The following GPHN variants were observed in gnomAD, a reference collection of about 807,000 sequenced individuals.
GPHN encodes the protein gephyrin.
Under a neutral mutation model 95.5 loss-of-function variants are expected in GPHN, and 17 were observed. The observed-to-expected ratio is 0.18, with a 90% CI of 0.12 to 0.27. GPHN has a LOEUF of 0.27. Ranked by LOEUF, GPHN falls within the 10% of genes least tolerant of loss-of-function variation. The pLI is 1.00. For synonymous variants in GPHN, 320 were observed against 322.5 expected (o/e 0.99, Z 0.08); for missense variants, 660 against 978.1 (o/e 0.67, Z 4.34).
At chr14:66,996,181 G>A (rs549035972) in intron 9 of GPHN, 793 of 1,533,462 alleles carry the variant, frequency 5.2e-4, no homozygotes, top group Non-Finnish European at 6.4e-4. Context: ...AACCAGGCTC[G>A]GCTTCCCTCG....
At chr14:67,439,188 T>G in the GPHN span, among the ~76,000 whole-genome samples, 2 of 152,222 alleles carry the variant, frequency 1.3e-5, no homozygotes, top group Admixed American at 1.3e-4. Flanking sequence ...GTCTGTGAAA[T>G]GGGGATAATG....
the GPHN span, among the ~76,000 whole-genome samples, chr14:67,663,657 G>C: frequency 6.6e-6 from 1 of 152,192 alleles, no homozygotes; most frequent in Non-Finnish European, 1.5e-5. Context: ...CTGGGCGACA[G>C]AGGGAGACTC....
At chr14:67,668,476 G>A in the GPHN span, among the ~76,000 whole-genome samples, 1 of 152,176 alleles carries the variant, frequency 6.6e-6, no homozygotes, top group African/African-American at 2.4e-5. Context: ...TACAGTTTTT[G>A]TTGTTTTAAT....
the GPHN span, among the ~76,000 whole-genome samples, chr14:67,476,671 G>A: frequency 6.6e-6 from 1 of 152,182 alleles, no homozygotes; most frequent in African/African-American, 2.4e-5. Flanking sequence ...GTGAGACAGA[G>A]CTCAGAGAGG....
the GPHN span, among the ~76,000 whole-genome samples, chr14:67,311,851 A>G: frequency 6.6e-6 from 1 of 152,228 alleles, no homozygotes; most frequent in African/African-American, 2.4e-5. Context: ...AACTTGATTT[A>G]GTTAATTTTA....
At chr14:66,773,825 G>C (rs1428718910) in intron 2 of GPHN, among the ~76,000 whole-genome samples, 1 of 152,028 alleles carries the variant, frequency 6.6e-6, no homozygotes, top group Non-Finnish European at 1.5e-5. Context: ...TCTCACCTTG[G>C]ATTCCAGAAG....
intron 1 of GPHN, among the ~76,000 whole-genome samples, chr14:66,666,459 G>A (rs541324831): frequency 2.2e-4 from 33 of 151,248 alleles, no homozygotes; most frequent in Non-Finnish European, 4.7e-4. Flanking sequence ...TTATCCCTGG[G>A]ATGCAAACTT....
intron 5 of GPHN, among the ~76,000 whole-genome samples, chr14:66,886,277 C>G (rs922719835): frequency 3.3e-5 from 5 of 152,120 alleles, no homozygotes; most frequent in African/African-American, 1.2e-4. Flanking sequence ...ATTAACAGCC[C>G]TCCCTTTTTG....
At chr14:67,059,923 T>A (rs2075757689) in intron 11 of GPHN, among the ~76,000 whole-genome samples, 1 of 152,186 alleles carries the variant, frequency 6.6e-6, no homozygotes, top group South Asian at 2.1e-4. Context: ...AGGAATTAAC[T>A]ATGTGATTTC....
At chr14:67,327,578 G>A in the GPHN span, among the ~76,000 whole-genome samples, 2 of 151,924 alleles carry the variant, frequency 1.3e-5, no homozygotes, top group African/African-American at 4.8e-5. Context: ...CCATGTTGGT[G>A]TGCTGCACCC....
chr14:66,598,838 CAAA>C (rs375173931), intron 1 of GPHN, among the ~76,000 whole-genome samples: 7 of 103,708 alleles, frequency 6.7e-5, no homozygotes, highest in African/African-American at 9.4e-5. Flanking sequence ...GACTCTGTCT[CAAA>C]AAAAAAAAAA....
At chr14:67,697,421 A>G in the GPHN span, among the ~76,000 whole-genome samples, 1 of 152,246 alleles carries the variant, frequency 6.6e-6, no homozygotes, top group Non-Finnish European at 1.5e-5. Flanking sequence ...CAGAGAAAGC[A>G]GGGTGCACTA....
rs369987816 is a variant in GPHN at position 66,981,193 on chromosome 14, G to C, written c.963+15868G>C. Among the ~76,000 whole-genome samples the C allele has an allele frequency of 2.6e-5, 4 of 152,084 alleles. No homozygotes were observed. In the East Asian group the frequency reaches 7.7e-4, roughly 29 times the overall value. On this transcript the variant is annotated intron_variant, in intron 9 of 22. Coordinates refer to ENST00000478722, the MANE Select transcript of GPHN (RefSeq NM_020806.5). ...CCTTTTTTATCCTTTTATTAGTTTAGTTTTATAATTGTATTTCCTTTCCTC... is the reference window on the plus strand; with the variant it reads ...CCTTTTTTATCCTTTTATTAGTTTACTTTTATAATTGTATTTCCTTTCCTC...
intron 11 of GPHN, among the ~76,000 whole-genome samples, chr14:67,085,889 C>G (rs561796900): frequency 6.6e-6 from 1 of 152,204 alleles, no homozygotes; most frequent in Non-Finnish European, 1.5e-5. Flanking sequence ...CCAGCACCTG[C>G]CACCACCATT....
At chr14:66,787,995 C>T (rs1037115790) in intron 3 of GPHN, among the ~76,000 whole-genome samples, 1 of 152,054 alleles carries the variant, frequency 6.6e-6, no homozygotes, top group African/African-American at 2.4e-5. Flanking sequence ...CAAACTTGAG[C>T]TCATCAACAT....
intron 2 of GPHN, among the ~76,000 whole-genome samples, chr14:66,689,146 C>A (rs1595560795): frequency 6.6e-6 from 1 of 152,142 alleles, no homozygotes; most frequent in African/African-American, 2.4e-5. Flanking sequence ...TTTAACTTTT[C>A]CCAAGTCAGT....
the GPHN span, chr14:67,473,458 C>T: frequency 3.1e-6 from 5 of 1,614,020 alleles, no homozygotes; most frequent in African/African-American, 4.0e-5. The surrounding 1 kb of genome is among the most constrained non-coding windows in gnomAD (Gnocchi z 6.5). Flanking sequence ...AGGGCTAGGG[C>T]GCCGCTGGGC....
chr14:67,628,886 A>C, the GPHN span, among the ~76,000 whole-genome samples: 2 of 152,232 alleles, frequency 1.3e-5, no homozygotes, highest in African/African-American at 4.8e-5. Flanking sequence ...GTATGTACCC[A>C]AAAGGACTGA....
the GPHN span, among the ~76,000 whole-genome samples, chr14:67,512,219 T>C: frequency 3.1e-4 from 47 of 152,340 alleles, no homozygotes; most frequent in African/African-American, 1.1e-3. Flanking sequence ...GGGACTCAGT[T>C]TCCCTAAGGG....
Sources: gnomAD v4.1 joint callset for allele counts (sites outside exome capture counted in the v4.1 genomes callset) on GRCh38, gnomAD v4.1.1 for gene constraint, Gnocchi (gnomAD v3.1) non-coding constraint, MANE v1.5 for transcripts, NCBI Gene and HGNC (gene_info 2026-07-23, HGNC 2026-07-21) for gene names.